GATAD2A: variants seen among roughly 807,000 people sequenced by gnomAD.
GATAD2A encodes the protein transcriptional repressor p66-alpha.
A neutral mutation model predicts 68.5 loss-of-function variants in GATAD2A; 12 were observed. The ratio of observed to expected loss-of-function variants is 0.18; its 90% CI spans 0.11 to 0.28. The LOEUF (loss-of-function observed/expected upper bound fraction) is 0.28. GATAD2A is among the 10% of genes least tolerant of loss of function. The probability of loss-of-function intolerance (pLI) is 1.00; values close to 1 mark genes in which losing one functional copy is unlikely to be tolerated. For missense variants in GATAD2A, 755 were observed against 868.5 expected, an observed-to-expected ratio of 0.87 and a Z score of 1.64; for synonymous variants, 410 against 375.3, an observed-to-expected ratio of 1.09 and a Z score of -1.07.
At chr19:19,416,366 G>A (rs1248727779) in intron 1 of GATAD2A, among the ~76,000 whole-genome samples, 1 of 152,120 alleles carries the variant, frequency 6.6e-6, no homozygotes, top group Non-Finnish European at 1.5e-5. Flanking sequence ...TTGGGGTGGG[G>A]GTGGTGGCAG....
intron 1 of GATAD2A, among the ~76,000 whole-genome samples, chr19:19,423,037 C>T (rs895015367): frequency 6.6e-5 from 10 of 152,070 alleles, no homozygotes; most frequent in East Asian, 1.9e-4. Context: ...GTTAGGATTT[C>T]GTTCTGTCAT....
chr19:19,501,935 G>T, intron 9 of GATAD2A, 34 bp from the exon 10 acceptor site: 1 of 1,574,214 alleles, frequency 6.4e-7, no homozygotes, highest in Admixed American at 1.7e-5. Context: ...CCAGCGGACC[G>T]CACTGACTTT....
chr19:19,450,789 A>AGACG (rs2056301695), intron 1 of GATAD2A, among the ~76,000 whole-genome samples: 1 of 146,818 alleles, frequency 6.8e-6, no homozygotes, highest in Non-Finnish European at 1.5e-5. Context: ...GTTTTGTTTG[A>AGACG]GACGGAGTTT....
intron 2 of GATAD2A, among the ~76,000 whole-genome samples, chr19:19,474,978 C>CACTG (rs1214609696): frequency 1.3e-5 from 2 of 152,378 alleles, no homozygotes; most frequent in East Asian, 1.9e-4. Flanking sequence ...CAGAAGAGCC[C>CACTG]ACTGCCCCTT....
chr19:19,452,905 C>T (rs1383584770), intron 1 of GATAD2A, among the ~76,000 whole-genome samples: 1 of 152,100 alleles, frequency 6.6e-6, no homozygotes, highest in East Asian at 1.9e-4. Flanking sequence ...CCTGTGCGTC[C>T]CCTCAAAACC....
chr19:19,450,745 A>T (rs1489172941), intron 1 of GATAD2A, among the ~76,000 whole-genome samples: 11 of 62,394 alleles, frequency 1.8e-4, no homozygotes, highest in African/African-American at 5.6e-4. Context: ...CATTACATTA[A>T]AAAAAAAAAA....
At chr19:19,447,082 C>T (rs969986143) in intron 1 of GATAD2A, among the ~76,000 whole-genome samples, 3 of 152,186 alleles carry the variant, frequency 2.0e-5, no homozygotes, top group African/African-American at 7.2e-5. Context: ...CCCTTGATAT[C>T]CTGGGGGTGG....
chr19:19,439,145 C>G (rs2147601934), intron 1 of GATAD2A, among the ~76,000 whole-genome samples: 1 of 152,374 alleles, frequency 6.6e-6, no homozygotes, highest in East Asian at 1.9e-4. Flanking sequence ...GTCTGAGGCA[C>G]ACAGTCTACA....
At chr19:19,424,768 C>T (rs2052867726) in intron 1 of GATAD2A, among the ~76,000 whole-genome samples, 1 of 152,178 alleles carries the variant, frequency 6.6e-6, no homozygotes, top group African/African-American at 2.4e-5. Flanking sequence ...GAAGCATCCT[C>T]ACCTTTCCAG....
intron 2 of GATAD2A, among the ~76,000 whole-genome samples, chr19:19,485,416 A>G (rs531531411): frequency 2.0e-4 from 30 of 152,188 alleles, no homozygotes; most frequent in Non-Finnish European, 3.2e-4. Context: ...GGGTGTCCCC[A>G]GTGGTTTCAT....
At chr19:19,442,991 C>T (rs1425875384) in intron 1 of GATAD2A, among the ~76,000 whole-genome samples, 2 of 151,958 alleles carry the variant, frequency 1.3e-5, no homozygotes, top group East Asian at 1.9e-4. Context: ...AGTGCTGGCC[C>T]GCAGAACTGC....
At chr19:19,411,848 A>G (rs909510795) in intron 1 of GATAD2A, among the ~76,000 whole-genome samples, 2 of 152,176 alleles carry the variant, frequency 1.3e-5, no homozygotes, top group Non-Finnish European at 2.9e-5. Context: ...TGAACACCTC[A>G]TATCTCAGTT....
At chr19:19,387,608 C>T (rs2048536065) in intron 1 of GATAD2A, among the ~76,000 whole-genome samples, 2 of 152,076 alleles carry the variant, frequency 1.3e-5, no homozygotes, top group Admixed American at 6.5e-5. Flanking sequence ...TGTGAGCCAC[C>T]GTGCCTGGCC....
In GATAD2A at chr19:19,506,214, A is replaced by C. The variant is rs2060860791; in HGVS notation, c.*740A>C. On this transcript the variant is annotated 3_prime_UTR_variant, in exon 12 of 12. Coordinates refer to ENST00000683918, the MANE Select transcript of GATAD2A (RefSeq NM_001384528.1). Reference sequence around the variant, plus strand: ...GCCTCCATTGCTGCTTGTTCTGGAGACCCCCGCCCCCGCACCTTCCAGACT... The same window carrying C: ...GCCTCCATTGCTGCTTGTTCTGGAGCCCCCCGCCCCCGCACCTTCCAGACT... 1 of 397,810 alleles carries C rather than the reference A, an allele frequency of 2.5e-6. No individual in the cohort carries two copies. Among genetic ancestry groups the C allele is most frequent in the Admixed American group, 4.4e-5 (1 of 22,602 alleles). 24.6% of individuals were successfully genotyped at this position (397,810 alleles called of 1,614,324 possible).
At chr19:19,456,559 A>ATG (rs1402475325) in intron 1 of GATAD2A, among the ~76,000 whole-genome samples, 2 of 152,136 alleles carry the variant, frequency 1.3e-5, no homozygotes, top group Non-Finnish European at 2.9e-5. Context: ...CCTAACCCTT[A>ATG]TGTCCATAAG....
intron 1 of GATAD2A, among the ~76,000 whole-genome samples, chr19:19,422,362 A>T (rs1457736259): frequency 6.6e-6 from 1 of 152,116 alleles, no homozygotes; most frequent in Non-Finnish European, 1.5e-5. Flanking sequence ...CCACCAGCAC[A>T]GTTTTTCTCT....
In GATAD2A at chr19:19,420,432, C is replaced by T. The variant is rs1294049236; in HGVS notation, c.-7+14413C>T. On this transcript the variant is annotated intron_variant, in intron 1 of 11. Transcript: ENST00000683918. ...CTGGAAGCTCTGCCTCCCAGGTTCC[C>T]GCCATTCTCCTGCCTCAGCCTCCCA... Among the ~76,000 whole-genome samples, 5 of 150,226 alleles carry T rather than the reference C, an allele frequency of 3.3e-5. No individual in the cohort carries two copies. In the East Asian group the frequency reaches 5.9e-4, roughly 18 times the overall value.
rs74254020 is a variant in GATAD2A at position 19,444,575 on chromosome 19, A to G, written c.-6-20765A>G. On this transcript the variant is annotated intron_variant, in intron 1 of 11. Transcript: ENST00000683918. Reference sequence around the variant, plus strand: ...CGTTGAGGCCTGTGGCACTTCCCCAATAGTGTGTTAGTGTAAAACCACCGT... The same window carrying G: ...CGTTGAGGCCTGTGGCACTTCCCCAGTAGTGTGTTAGTGTAAAACCACCGT... 8.3e-3 allele frequency among the ~76,000 whole-genome samples: 1,270 copies of G among 152,222 alleles called. 53 individuals carry two copies. The East Asian group carries it at 0.097, about 12-fold the overall frequency.
At position 19,447,104 on chromosome 19, in the gene GATAD2A, CAGAG is replaced by C. The variant is rs148679698; in HGVS notation, c.-6-18233_-6-18230del. Among the ~76,000 whole-genome samples the C allele has an allele frequency of 4.6e-5, 7 of 152,244 alleles. No individual in the cohort carries two copies. In the East Asian group the frequency reaches 1.2e-3, roughly 25 times the overall value. ...TATCCTGGGGGTGGAAGCCCACAAACAGAGAGGTGAATAAATAGCATGTCAAGTG... is the reference window on the plus strand; with the variant it reads ...TATCCTGGGGGTGGAAGCCCACAAACAGGTGAATAAATAGCATGTCAAGTG... On this transcript the variant is annotated intron_variant, in intron 1 of 11. Coordinates refer to ENST00000683918, the MANE Select transcript of GATAD2A (RefSeq NM_001384528.1).
Sources: allele counts gnomAD v4.1 joint callset (sites outside exome capture counted in the v4.1 genomes callset), GRCh38; gene constraint gnomAD v4.1.1; transcripts MANE v1.5; gene names NCBI Gene and HGNC (gene_info 2026-07-23, HGNC 2026-07-21).